The following ZNF641 variants were observed in gnomAD, a reference collection of about 807,000 sequenced individuals.
The protein encoded by ZNF641 is zinc finger protein 641.
ZNF641 carries 26 observed loss-of-function variants against 46.2 expected under a neutral mutation model. That is an observed-to-expected ratio of 0.56 (90% CI 0.41 to 0.78). The LOEUF is 0.78. ZNF641 is among the 30% of genes least tolerant of loss of function. The pLI is 0.00. For missense variants in ZNF641, 469 were observed against 517.8 expected, an observed-to-expected ratio of 0.91 and a Z score of 0.91; for synonymous variants, 163 against 187.9, an observed-to-expected ratio of 0.87 and a Z score of 1.09.
In ZNF641 at chr12:48,341,530, A is replaced by G. The variant is rs1281673607; in HGVS notation, c.*1443T>C. ...AGCTTATTACCCTGCAGCAGCTGAAAAGCTAAGCCACAGCCATTTTCCCTA... is the reference window on the plus strand; with the variant it reads ...AGCTTATTACCCTGCAGCAGCTGAAGAGCTAAGCCACAGCCATTTTCCCTA... On this transcript the variant is annotated 3_prime_UTR_variant, in exon 6 of 6. Coordinates refer to ENST00000547026, the MANE Select transcript of ZNF641 (RefSeq NM_001172681.2). 2 of 985,320 alleles carry G rather than the reference A, an allele frequency of 2.0e-6. No homozygotes were observed. Among genetic ancestry groups the G allele is most frequent in the Non-Finnish European group, 2.4e-6 (2 of 829,948 alleles). The allele number at this position is 985,320 out of a possible 1,614,324, so 61.0% of individuals were successfully genotyped here. A position where few individuals can be genotyped will look rare whatever the true frequency, so the allele number is the denominator to read the frequency against.
Position 48,341,209 on chromosome 12 carries a change from T to C in ZNF641, c.*1764A>G. 3.0e-6 allele frequency: 3 copies of C among 985,478 alleles called. No individual in the cohort carries two copies. The highest frequency in any genetic ancestry group is 3.6e-6 in the Non-Finnish European group (3 of 829,934). The allele number at this position is 985,478 out of a possible 1,614,324, so 61.0% of individuals were successfully genotyped here. On this transcript the variant is annotated 3_prime_UTR_variant, in exon 6 of 6. Transcript: ENST00000547026. ...AACTAAATTGGTGCAATTCACTTCCTCTTGCCTCTCTGGTTCATTCCACCA... is the reference window on the plus strand; with the variant it reads ...AACTAAATTGGTGCAATTCACTTCCCCTTGCCTCTCTGGTTCATTCCACCA...
intron 2 of ZNF641, 65 bp downstream of exon 2, chr12:48,347,842 C>T (rs1952922335): frequency 2.6e-6 from 4 of 1,515,538 alleles, no homozygotes; most frequent in East Asian, 2.3e-5. Flanking sequence ...ATTTTTAACC[C>T]TACTTTTGGA....
chr12:48,335,831 CTCCACCT>C (rs371131651), downstream of ZNF641, among the ~76,000 whole-genome samples: 7 of 152,184 alleles, frequency 4.6e-5, no homozygotes, highest in African/African-American at 1.2e-4. Flanking sequence ...AAAACATAAT[CTCCACCT>C]TTCTGAGCTC....
chr12:48,346,941 G>A (rs1952888131), intron 3 of ZNF641, among the ~76,000 whole-genome samples: 1 of 152,198 alleles, frequency 6.6e-6, no homozygotes, highest in African/African-American at 2.4e-5. Context: ...AACCCAGAAG[G>A]TGGAGGTTGC....
chr12:48,345,198 G>T, intron 4 of ZNF641, 147 bp downstream of exon 4: 1 of 805,670 alleles, frequency 1.2e-6, no homozygotes, highest in Non-Finnish European at 1.9e-6. Flanking sequence ...CTTGGGATTG[G>T]CCCTAGTGTT....
chr12:48,346,453 C>T (rs1952874832), intron 3 of ZNF641, among the ~76,000 whole-genome samples: 1 of 152,150 alleles, frequency 6.6e-6, no homozygotes, highest in Non-Finnish European at 1.5e-5. Context: ...TTAGTACTAA[C>T]ACTATTAGTA....
chr12:48,345,857 T>A (rs1952857205), intron 3 of ZNF641, among the ~76,000 whole-genome samples: 1 of 151,904 alleles, frequency 6.6e-6, no homozygotes, highest in Admixed American at 6.6e-5. Flanking sequence ...GCCTTTTCTA[T>A]CAGCACAAAA....
chr12:48,343,493 C>T lies in ZNF641; in HGVS notation c.755G>A (p.Cys252Tyr). 6.2e-7 allele frequency: 1 copy of T among 1,613,738 alleles called. No individual in the cohort carries two copies. ...TACAAACTGTTTCCCACACTGGGGG[C>T]ATGTGTGGGGTCTTAACAGGGAATC... is the stretch of plus-strand genomic sequence containing the variant. ...EMDSLLRPHT[C>Y]PQCGKQFVWG... Residue 252 changes from cysteine to tyrosine, a missense_variant, in exon 6 of 6, where the codon TGC (cysteine) becomes TAC (tyrosine). Transcript: ENST00000547026.
chr12:48,347,142 A>G (rs757840652), intron 3 of ZNF641, 110 bp downstream of exon 3: 36 of 1,576,634 alleles, frequency 2.3e-5, no homozygotes, highest in Non-Finnish European at 3.1e-5. Context: ...TTATAAGATG[A>G]ACATACCATT....
chr12:48,335,485 C>G (rs148604728), downstream of ZNF641, among the ~76,000 whole-genome samples: 17 of 152,290 alleles, frequency 1.1e-4, no homozygotes, highest in African/African-American at 4.1e-4. Flanking sequence ...TTCAAACTTT[C>G]ATTCATTCAG....
chr12:48,346,232 A>G (rs945232582), intron 3 of ZNF641, among the ~76,000 whole-genome samples: 7 of 152,096 alleles, frequency 4.6e-5, no homozygotes, highest in Non-Finnish European at 8.8e-5. Context: ...GCAGCACAGT[A>G]TGGTGGTTAG....
chr12:48,335,965 T>C (rs1952601686), downstream of ZNF641, among the ~76,000 whole-genome samples: 2 of 152,224 alleles, frequency 1.3e-5, no homozygotes, highest in East Asian at 1.9e-4. Flanking sequence ...GATCACATCA[T>C]TGTTGGATTT....
intron 2 of ZNF641, 122 bp from the exon 3 acceptor site, chr12:48,347,465 T>C: frequency 1.2e-6 from 1 of 810,590 alleles, no homozygotes; most frequent in Non-Finnish European, 1.9e-6. Flanking sequence ...TTGGTAAAAC[T>C]CAAATGCATA....
At position 48,343,433 on chromosome 12, in the gene ZNF641, T is replaced by C. The variant is rs1952773005; in HGVS notation, c.815A>G (p.His272Arg). ...GCAGCTGTAGGGTCTCTCCCCAGTG[T>C]GTGTTTGTTGATGCCTGGCAAGGTG... ...GSHLARHQQT[H>R]TGERPYSCLK... Residue 272 changes from histidine to arginine, a missense_variant, in exon 6 of 6, where the codon CAC becomes CGC. His to Arg is a conservative substitution (Grantham distance 29). Around this residue, in one of 3 missense-constraint regions of ZNF641, gnomAD observed 346 missense variants for 354.0 expected, o/e 0.98. Transcript: ENST00000547026. 6.2e-7 allele frequency: 1 copy of C among 1,613,984 alleles called. No individual in the cohort carries two copies. The highest frequency in any genetic ancestry group is 2.2e-5 in the East Asian group (1 of 44,894).
rs11831205 is a variant in ZNF641 at position 48,339,125 on chromosome 12, A to G, written c.*3848T>C. On this transcript the variant is annotated 3_prime_UTR_variant, in exon 6 of 6. Coordinates refer to ENST00000547026, the MANE Select transcript of ZNF641 (RefSeq NM_001172681.2). ...ACAGGAGCTTGGTAGTTGCCCCACC[A>G]TAGTTTCTGATATTGGTGACTAGCC... The G allele has an allele frequency of 3.3e-4, 50 of 152,140 alleles. No homozygotes were observed. Among genetic ancestry groups the G allele is most frequent in the African/African-American group, 1.2e-3 (49 of 41,430 alleles). The allele number at this position is 152,140 out of a possible 1,614,324, so 9.4% of individuals were successfully genotyped here. A position where few individuals can be genotyped will look rare whatever the true frequency, so the allele number is the denominator to read the frequency against.
At chr12:48,337,031 T>C (rs922292741), downstream of ZNF641, 1 of 152,254 alleles carries the variant, frequency 6.6e-6, no homozygotes, top group Non-Finnish European at 1.5e-5. Flanking sequence ...AACCTGTTGC[T>C]TCTGGAGGCT....
chr12:48,340,986 A>C lies in ZNF641; in HGVS notation c.*1987T>G. ...TTATTCATAGGATCATAAGCAAGAGAACTGCATTCCAGGAAGAATGAAGGA... is the reference window on the plus strand; with the variant it reads ...TTATTCATAGGATCATAAGCAAGAGCACTGCATTCCAGGAAGAATGAAGGA... On this transcript the variant is annotated 3_prime_UTR_variant, in exon 6 of 6. Coordinates refer to ENST00000547026, the MANE Select transcript of ZNF641 (RefSeq NM_001172681.2). 1 of 985,500 alleles carries C rather than the reference A, an allele frequency of 1.0e-6. No individual in the cohort carries two copies. Among genetic ancestry groups the C allele is most frequent in the Non-Finnish European group, 1.2e-6 (1 of 829,956 alleles). 61.0% of individuals were successfully genotyped at this position (985,500 alleles called of 1,614,324 possible).
In ZNF641 at chr12:48,350,707, C is replaced by A. The variant is rs749336085; in HGVS notation, c.-26+79G>T. ...TCCTCCTCCCAGCCCCTATGGGTGA[C>A]CGAGCCCCCACCAGCCGCCCCGGGA... On this transcript the variant is annotated intron_variant, in intron 1 of 5. Transcript: ENST00000547026. 703 of 521,074 alleles carry A rather than the reference C, an allele frequency of 1.3e-3. 2 individuals are homozygous for A. The highest frequency in any genetic ancestry group is 1.4e-3 in the Non-Finnish European group (552 of 405,118). The allele number at this position is 521,074 out of a possible 1,614,324, so 32.3% of individuals were successfully genotyped here.
Position 48,341,100 on chromosome 12 carries a change from A to G in ZNF641, c.*1873T>C. On this transcript the variant is annotated 3_prime_UTR_variant, in exon 6 of 6. Coordinates refer to ENST00000547026, the MANE Select transcript of ZNF641 (RefSeq NM_001172681.2). The stretch of plus-strand genomic sequence containing the variant: ...CTCTAAGAAGCCCAGTCAGCAAAAT[A>G]AGTCTATCTTCAATTCTAGTTGAGT... 1 of 985,464 alleles carries G rather than the reference A, an allele frequency of 1.0e-6. No homozygotes were observed. Among genetic ancestry groups the G allele is most frequent in the Non-Finnish European group, 1.2e-6 (1 of 829,938 alleles). The allele number at this position is 985,464 out of a possible 1,614,324, so 61.0% of individuals were successfully genotyped here. A position where few individuals can be genotyped will look rare whatever the true frequency, so the allele number is the denominator to read the frequency against.
Sources: allele counts gnomAD v4.1 joint callset (sites outside exome capture counted in the v4.1 genomes callset), GRCh38; gene constraint gnomAD v4.1.1; regional missense constraint gnomAD v4.1.1; transcripts MANE v1.5; gene names NCBI Gene and HGNC (gene_info 2026-07-23, HGNC 2026-07-21).